The following CDH23 variants were observed in gnomAD, a reference collection of about 807,000 sequenced individuals.
CDH23 encodes the protein cadherin-23.
In CDH23, 189 loss-of-function variants were observed where a neutral mutation model predicts 317.1. That is an observed-to-expected ratio of 0.60 (90% CI 0.53 to 0.67). The LOEUF (loss-of-function observed/expected upper bound fraction) is 0.67. CDH23 is among the 30% of genes least tolerant of loss of function. The pLI, the probability that CDH23 is intolerant of heterozygous loss-of-function variation, is 0.00. For synonymous variants in CDH23, 1,839 were observed against 1,876.8 expected (o/e 0.98, Z 0.52); for missense variants, 4,401 against 4,592.4 (o/e 0.96, Z 1.20).
chr10:71,443,138 C>T (rs1388736230), intron 2 of CDH23, among the ~76,000 whole-genome samples: 1 of 152,184 alleles, frequency 6.6e-6, no homozygotes, highest in Admixed American at 6.5e-5. Flanking sequence ...AGAGCCACTG[C>T]ACCTTCAGCC....
In CDH23 at chr10:71,682,533, C is replaced by T; in HGVS notation, c.1947C>T (p.Pro649=). 1 of 1,613,758 alleles carries T rather than the reference C, an allele frequency of 6.2e-7. No homozygotes were observed. The highest frequency in any genetic ancestry group is 8.5e-7 in the Non-Finnish European group (1 of 1,179,788). ...LTVMAMDAGN[P]PLNSTVPVTI... The stretch of plus-strand genomic sequence containing the variant: ...TCATGGCCATGGATGCTGGCAACCC[C>T]CCTCTCAACAGCACCGTCCCTGTCA... Residue 649 remains proline, a synonymous_variant, in exon 18 of 70, where the codon CCC becomes CCT. Coordinates refer to ENST00000224721, the MANE Select transcript of CDH23 (RefSeq NM_022124.6).
At chr10:71,755,181 T>A in intron 38 of CDH23, 1 of 708,348 alleles carries the variant, frequency 1.4e-6, no homozygotes, top group African/African-American at 1.8e-5. Flanking sequence ...GGAAATGGCA[T>A]GCCTCCTTTC....
intron 6 of CDH23, among the ~76,000 whole-genome samples, chr10:71,522,603 T>C (rs1005930843): frequency 4.6e-5 from 7 of 152,196 alleles, no homozygotes; most frequent in Non-Finnish European, 5.9e-5. Flanking sequence ...GTCCCCACTG[T>C]GCAGGTGATA....
At chr10:71,440,040 T>G in intron 2 of CDH23, 142 bp downstream of exon 2, 2 of 676,646 alleles carry the variant, frequency 3.0e-6, no homozygotes, top group South Asian at 3.6e-5. Flanking sequence ...GGCACATACT[T>G]CCCTCTCTGG....
chr10:71,673,646 T>C (rs1352537419), intron 14 of CDH23, among the ~76,000 whole-genome samples: 2 of 152,208 alleles, frequency 1.3e-5, no homozygotes, highest in Non-Finnish European at 2.9e-5. Flanking sequence ...TGGCACAGGA[T>C]TCAAACCCAG....
chr10:71,520,198 G>T (rs919761195), intron 6 of CDH23, among the ~76,000 whole-genome samples: 2 of 152,208 alleles, frequency 1.3e-5, no homozygotes, highest in African/African-American at 4.8e-5. Context: ...ACTCATCCCC[G>T]TGGACTGATT....
chr10:71,570,374 G>A (rs1048684579), intron 7 of CDH23, among the ~76,000 whole-genome samples: 4 of 152,186 alleles, frequency 2.6e-5, no homozygotes, highest in Non-Finnish European at 5.9e-5. Flanking sequence ...GAGAGGGGTG[G>A]TGACCTCCAG....
intron 38 of CDH23, among the ~76,000 whole-genome samples, chr10:71,759,900 T>TATACACACACAC (rs1564779295): frequency 2.2e-5 from 1 of 44,970 alleles, no homozygotes; most frequent in Non-Finnish European, 5.1e-5. Flanking sequence ...CACACACACA[T>TATACACACACAC]ATATACACAC....
chr10:71,650,149 A>G (rs1338103480), intron 14 of CDH23, among the ~76,000 whole-genome samples: 1 of 152,212 alleles, frequency 6.6e-6, no homozygotes, highest in Non-Finnish European at 1.5e-5. Flanking sequence ...GTGGCGCTCA[A>G]GACTTTTAGG....
chr10:71,691,736 G>A (rs1026504185), intron 20 of CDH23, among the ~76,000 whole-genome samples: 17 of 152,318 alleles, frequency 1.1e-4, no homozygotes, highest in Admixed American at 3.3e-4. Context: ...ATTCTCCCCT[G>A]GGAAGGGAGC....
rs759858721 is a variant in CDH23, at chr10:71,739,731, A to G, written c.4447A>G (p.Arg1483Gly). Residue 1483 changes from arginine to glycine, a missense_variant, in exon 36 of 70, where the codon AGG (arginine) becomes GGG (glycine). By Grantham distance (125) the Arg-to-Gly change is moderately radical (BLOSUM62 -2). Coordinates refer to ENST00000224721, the MANE Select transcript of CDH23 (RefSeq NM_022124.6). ...CTCCATTGGCGAAGTGTTTGTGGCC[A>G]GGCCCCTGGACAGAGAAGAGCTGGA... ...NDSIGEVFVA[R>G]PLDREELDHY... 4 of 1,613,346 alleles carry G rather than the reference A, an allele frequency of 2.5e-6. No homozygotes were observed. Among genetic ancestry groups the G allele is most frequent in the Non-Finnish European group, 3.4e-6 (4 of 1,179,702 alleles).
At chr10:71,555,313 C>T (rs1490917040) in intron 6 of CDH23, among the ~76,000 whole-genome samples, 1 of 152,170 alleles carries the variant, frequency 6.6e-6, no homozygotes, top group South Asian at 2.1e-4. Flanking sequence ...AGGGCTGCAC[C>T]GTCACCACGG....
chr10:71,641,101 CT>C (rs1253450769), intron 11 of CDH23, among the ~76,000 whole-genome samples: 1 of 152,198 alleles, frequency 6.6e-6, no homozygotes, highest in African/African-American at 2.4e-5. Flanking sequence ...AGAACTACCC[CT>C]CTTTGCCTCT....
intron 62 of CDH23, 46 bp downstream of exon 62, chr10:71,810,615 G>A: frequency 6.4e-7 from 1 of 1,570,420 alleles, no homozygotes; most frequent in Non-Finnish European, 8.8e-7. Flanking sequence ...CTGTCTGCCT[G>A]CCTCCCTGCC....
At position 71,769,385 on chromosome 10, in the gene CDH23, T is replaced by C. The variant is rs562339171; in HGVS notation, c.4846-8295T>C. Among the ~76,000 whole-genome samples, 26 of 152,332 alleles carry C rather than the reference T, an allele frequency of 1.7e-4. No homozygotes were observed. In the South Asian group the frequency reaches 5.4e-3, roughly 32 times the overall value. On this transcript the variant is annotated intron_variant, in intron 38 of 69. Transcript: ENST00000224721. ...CCTGTTACGTTCTTTTATGGTTTTG[T>C]TCTATTTATGACAAGTGATACTGGC...
Position 71,702,162 on chromosome 10 carries a change from C to A in CDH23, c.2538C>A (p.Asp846Glu). The A allele has an allele frequency of 1.2e-6, 2 of 1,613,918 alleles. No homozygotes were observed. The highest frequency in any genetic ancestry group is 1.7e-6 in the Non-Finnish European group (2 of 1,179,874). ...CCATGCTGGACCGGGAGAACCCCGA[C>A]CCCCATGAGGCCGAGCTGATGCGCA... The part of the protein sequence containing the change: ...THAMLDRENP[D>E]PHEAELMRKI... The change falls in exon 23 of 70, where the codon GAC becomes GAA. Residue 846 changes from aspartate (D) to glutamate (E), a missense_variant. Asp to Glu is a conservative substitution (Grantham distance 45). Coordinates refer to ENST00000224721, the MANE Select transcript of CDH23 (RefSeq NM_022124.6).
At position 71,675,844 on chromosome 10, in the gene CDH23, A is replaced by G. The variant is rs531629939; in HGVS notation, c.1514+668A>G. 4.8e-5 allele frequency among the ~76,000 whole-genome samples: 7 copies of G among 146,058 alleles called. No homozygotes were observed. The South Asian group carries it at 1.6e-3, about 34-fold the overall frequency. On this transcript the variant is annotated intron_variant, in intron 15 of 69. Coordinates refer to ENST00000224721, the MANE Select transcript of CDH23 (RefSeq NM_022124.6). ...TTCATGGTAAATTGGTCCGGGCTTG[A>G]TTTTGGGCCATCTCTTTCCCTTGTC...
At chr10:71,769,011 A>T (rs776267516) in intron 38 of CDH23, among the ~76,000 whole-genome samples, 34 of 152,290 alleles carry the variant, frequency 2.2e-4, no homozygotes, top group Admixed American at 5.2e-4. Context: ...GTAGCTGGGG[A>T]CTGACTGGAG....
chr10:71,646,328 CTGGGA>C, intron 13 of CDH23, 126 bp from the exon 14 acceptor site: 1 of 1,398,062 alleles, frequency 7.2e-7, no homozygotes, highest in South Asian at 1.3e-5. Context: ...TAGCACAGAG[CTGGGA>C]TGGGCAGAGA....
Sources: gnomAD v4.1 joint callset for allele counts (sites outside exome capture counted in the v4.1 genomes callset) on GRCh38, gnomAD v4.1.1 for gene constraint, MANE v1.5 for transcripts, NCBI Gene and HGNC (gene_info 2026-07-23, HGNC 2026-07-21) for gene names.